Variants in PLEKHA4 observed in about 807,000 individuals in gnomAD.
The protein encoded by PLEKHA4 is pleckstrin homology domain containing A4.
A neutral mutation model predicts 94.7 loss-of-function variants in PLEKHA4; 73 were observed. The observed-to-expected ratio is 0.77, with a 90% CI of 0.64 to 0.94. The LOEUF is 0.94. Ranked by LOEUF, PLEKHA4 falls within the 40% of genes least tolerant of loss-of-function variation. The probability of loss-of-function intolerance (pLI) is 0.00; values close to 1 mark genes in which losing one functional copy is unlikely to be tolerated. For missense variants in PLEKHA4, 1,049 were observed against 1,054.1 expected, an observed-to-expected ratio of 1.00 and a Z score of 0.07; for synonymous variants, 449 against 437.1, an observed-to-expected ratio of 1.03 and a Z score of -0.34.
At chr19:48,845,865 G>T (rs2035950314) in intron 14 of PLEKHA4, among the ~76,000 whole-genome samples, 1 of 151,564 alleles carries the variant, frequency 6.6e-6, no homozygotes, top group African/African-American at 2.4e-5. Context: ...ACAAAAATTA[G>T]CTGGGCGTGG....
intron 9 of PLEKHA4, among the ~76,000 whole-genome samples, chr19:48,855,473 G>C (rs568979158): frequency 5.9e-5 from 9 of 151,860 alleles, no homozygotes; most frequent in African/African-American, 2.2e-4. Context: ...GCGTAGTGAC[G>C]GGCGCCTGTA....
intron 3 of PLEKHA4, among the ~76,000 whole-genome samples, chr19:48,864,277 T>G (rs2036752907): frequency 6.6e-6 from 1 of 151,496 alleles, no homozygotes; most frequent in Non-Finnish European, 1.5e-5. Context: ...CAAATTTTCC[T>G]TGTCTCAGCC....
intron 2 of PLEKHA4, among the ~76,000 whole-genome samples, chr19:48,866,112 CTT>C (rs937491132): frequency 2.7e-5 from 4 of 147,744 alleles, no homozygotes; most frequent in Admixed American, 2.0e-4. Flanking sequence ...TTAAGAGACT[CTT>C]TTTTTTTTGA....
At chr19:48,848,181 A>C in intron 13 of PLEKHA4, 141 bp from the exon 14 acceptor site, 2 of 1,025,192 alleles carry the variant, frequency 2.0e-6, no homozygotes, top group East Asian at 5.4e-5. Flanking sequence ...GTGGTTATCC[A>C]GTTGAATTGA....
At chr19:48,846,149 C>A (rs2035962221) in intron 14 of PLEKHA4, among the ~76,000 whole-genome samples, 1 of 151,174 alleles carries the variant, frequency 6.6e-6, no homozygotes, top group Non-Finnish European at 1.5e-5. Context: ...ATAGCAAGAC[C>A]CCTTCCCTTA....
intron 3 of PLEKHA4, among the ~76,000 whole-genome samples, chr19:48,863,043 T>C (rs766257376): frequency 3.0e-4 from 46 of 152,156 alleles, no homozygotes; most frequent in Non-Finnish European, 4.6e-4. Flanking sequence ...CGTCTCCACC[T>C]GCCTGAACTA....
Position 48,867,536 on chromosome 19 carries a change from C to T in PLEKHA4, c.84+1G>A. The stretch of plus-strand genomic sequence containing the variant: ...CCCCATCCCCGCCAGGAAGCTCAAA[C>T]CTTGGGGCTCAGGCTGCTGAGCGAG... On this transcript the variant is annotated splice_donor_variant, in intron 2 of 19. Transcript: ENST00000263265. LOFTEE classifies it high-confidence loss of function. The surrounding 1 kb of genome is among the most constrained non-coding windows in gnomAD (Gnocchi z 4.7). The T allele has an allele frequency of 6.3e-7, 1 of 1,594,730 alleles. No individual in the cohort carries two copies. The highest frequency in any genetic ancestry group is 8.5e-7 in the Non-Finnish European group (1 of 1,173,258).
intron 16 of PLEKHA4, chr19:48,844,497 A>G: frequency 3.0e-6 from 3 of 985,340 alleles, no homozygotes; most frequent in Non-Finnish European, 3.6e-6. Flanking sequence ...TAATCCCAAC[A>G]GGTACCCCAA....
intron 9 of PLEKHA4, 69 bp downstream of exon 9, chr19:48,857,353 G>T: frequency 1.4e-6 from 1 of 692,808 alleles, no homozygotes. Flanking sequence ...GCCAAGAGAT[G>T]ACATTCCTCA....
chr19:48,841,226 G>A lies in PLEKHA4; in HGVS notation c.1828C>T (p.Arg610Cys), dbSNP rs747628563. ...RNQECGRPFP[R>C]PTSPRLLTLG... is the part of the protein sequence containing the mutation. ...GTGAGAAGCCGGGGGGAGGTCGGGC[G>A]AGGGAAGGGCCGTCCACATTCCTGG... The change falls in exon 17 of 20, where the codon CGC (arginine) becomes TGC (cysteine). Residue 610 changes from arginine to cysteine, a missense_variant. Arg to Cys is a radical substitution (Grantham distance 180). Transcript: ENST00000263265. The A allele has an allele frequency of 3.8e-5, 62 of 1,613,404 alleles. No individual in the cohort carries two copies. The East Asian group carries it at 5.6e-4, about 14-fold the overall frequency.
chr19:48,842,229 C>T (rs112659011), intron 16 of PLEKHA4, among the ~76,000 whole-genome samples: 13,415 of 150,630 alleles, frequency 0.089, 1,616 homozygotes, highest in African/African-American at 0.28. Flanking sequence ...ACTGCAACCT[C>T]CGCCTCCTGG....
At chr19:48,863,432 GTTT>G (rs113645066) in intron 3 of PLEKHA4, among the ~76,000 whole-genome samples, 2 of 104,718 alleles carry the variant, frequency 1.9e-5, no homozygotes, top group African/African-American at 3.4e-5. Context: ...TAGGTTTTTT[GTTT>G]TTTTTTTTTT....
chr19:48,841,287 C>A lies in PLEKHA4; in HGVS notation c.1767G>T (p.Met589Ile), dbSNP rs766708497. The change falls in exon 17 of 20, where the codon ATG (methionine) becomes ATT (isoleucine). Residue 589 changes from methionine to isoleucine, a missense_variant. Met to Ile is a conservative substitution (Grantham distance 10). Coordinates refer to ENST00000263265, the MANE Select transcript of PLEKHA4 (RefSeq NM_020904.3). Reference sequence around the variant, plus strand: ...TCCGCTCCAGCTGCTCCTGGGCACTCATCCGGGGCCGGGCCACCGGGGCCT... The same window carrying A: ...TCCGCTCCAGCTGCTCCTGGGCACTAATCCGGGGCCGGGCCACCGGGGCCT... ...GTKAPVARPR[M>I]SAQEQLERMR... 6.2e-7 allele frequency: 1 copy of A among 1,612,112 alleles called. No homozygotes were observed. The highest frequency in any genetic ancestry group is 1.3e-5 in the African/African-American group (1 of 75,020).
rs1311196124 is a variant in PLEKHA4, at chr19:48,845,509, A to G, written c.1666+8T>C. The stretch of plus-strand genomic sequence containing the variant: ...TTCCGTAAAGTCCCACCCAACCAGG[A>G]TGCTCACCTAAGTGAGGGCTGGCGA... On this transcript the variant is annotated splice_region_variant and intron_variant, in intron 15 of 19. Transcript: ENST00000263265. The G allele has an allele frequency of 3.1e-6, 5 of 1,613,034 alleles. No individual in the cohort carries two copies. Among genetic ancestry groups the G allele is most frequent in the Non-Finnish European group, 4.2e-6 (5 of 1,179,384 alleles).
At position 48,858,876 on chromosome 19, in the gene PLEKHA4, T is replaced by C. The variant is rs2036526090; in HGVS notation, c.956A>G (p.Gln319Arg). The change falls in exon 8 of 20, where the codon CAG (glutamine) becomes CGG (arginine). Residue 319 changes from glutamine to arginine, a missense_variant. Physicochemically the swap from Gln to Arg is conservative, Grantham distance 43. Transcript: ENST00000263265. ...TCTGCTCACCTGTGTTCTGGGCTCC[T>C]GACTCCAGTGCTGGGGACTCCTGGG... ...KPPRSPQHWS[Q>R]EPRTQAHSGS... The C allele has an allele frequency of 6.2e-7, 1 of 1,612,628 alleles. No individual in the cohort carries two copies. The highest frequency in any genetic ancestry group is 1.7e-5 in the Admixed American group (1 of 59,524).
chr19:48,852,408 G>A (rs1035971183), intron 12 of PLEKHA4, 82 bp from the exon 13 acceptor site: 21 of 1,110,390 alleles, frequency 1.9e-5, no homozygotes, highest in Non-Finnish European at 2.7e-5. Flanking sequence ...GTCAGCTAAG[G>A]AGGAGATAAG....
chr19:48,841,238 G>T lies in PLEKHA4; in HGVS notation c.1816C>A (p.Arg606=). The T allele has an allele frequency of 6.2e-7, 1 of 1,613,546 alleles. No homozygotes were observed. The highest frequency in any genetic ancestry group is 8.5e-7 in the Non-Finnish European group (1 of 1,179,848). The part of the protein sequence containing the change: ...ERMRRNQECG[R]PFPRPTSPRL... ...GGGGAGGTCGGGCGAGGGAAGGGCCGTCCACATTCCTGGTTTCTGCGCATC... is the reference window on the plus strand; with the variant it reads ...GGGGAGGTCGGGCGAGGGAAGGGCCTTCCACATTCCTGGTTTCTGCGCATC... Residue 606 remains arginine (R), a synonymous_variant, in exon 17 of 20, where the codon CGG becomes AGG. Transcript: ENST00000263265.
intron 3 of PLEKHA4, among the ~76,000 whole-genome samples, chr19:48,864,809 G>T (rs1243529781): frequency 6.6e-6 from 1 of 152,072 alleles, no homozygotes; most frequent in Non-Finnish European, 1.5e-5. Flanking sequence ...AAGCTCAAGC[G>T]ATCTTCCCGT....
chr19:48,867,429 C>T lies in PLEKHA4; in HGVS notation c.84+108G>A. 1 of 1,297,686 alleles carries T rather than the reference C, an allele frequency of 7.7e-7. No homozygotes were observed. Among genetic ancestry groups the T allele is most frequent in the Non-Finnish European group, 1.1e-6 (1 of 943,152 alleles). The allele number at this position is 1,297,686 out of a possible 1,614,324, so 80.4% of individuals were successfully genotyped here. On this transcript the variant is annotated intron_variant, in intron 2 of 19. Coordinates refer to ENST00000263265, the MANE Select transcript of PLEKHA4 (RefSeq NM_020904.3). This position sits in a 1 kb window ranked among gnomAD's most constrained non-coding sequence, Gnocchi z 4.7. ...TGGGACCTTACTATGTCTGGCAGAC[C>T]CCGTTGCTAAGGATCTTTGTCCTTA...
Sources: gnomAD v4.1 joint callset for allele counts (sites outside exome capture counted in the v4.1 genomes callset) on GRCh38, gnomAD v4.1.1 for gene constraint, Gnocchi (gnomAD v3.1) non-coding constraint, MANE v1.5 for transcripts, NCBI Gene and HGNC (gene_info 2026-07-23, HGNC 2026-07-21) for gene names.